The following KAT6A variants were observed in gnomAD, a reference collection of about 807,000 sequenced individuals.
KAT6A encodes the protein histone acetyltransferase KAT6A.
KAT6A carries 9 observed loss-of-function variants against 198.4 expected under a neutral mutation model. The ratio of observed to expected loss-of-function variants is 0.05; its 90% CI spans 0.03 to 0.08. KAT6A has a LOEUF of 0.08. KAT6A is among the 10% of genes least tolerant of loss of function. KAT6A has a pLI of 1.00. For synonymous variants in KAT6A, 890 were observed against 883.0 expected (o/e 1.01, Z -0.14); for missense variants, 2,077 against 2,509.9 (o/e 0.83, Z 3.69).
intron 6 of KAT6A, among the ~76,000 whole-genome samples, chr8:41,978,286 T>C (rs1824166189): frequency 6.6e-6 from 1 of 152,228 alleles, no homozygotes; most frequent in Non-Finnish European, 1.5e-5. Flanking sequence ...CCTGTTTTTA[T>C]ATAAGAGAAG....
chr8:42,010,880 G>A (rs886479372), intron 2 of KAT6A, among the ~76,000 whole-genome samples: 2 of 152,108 alleles, frequency 1.3e-5, no homozygotes, highest in African/African-American at 4.8e-5. Flanking sequence ...TTCCTCTGGG[G>A]TCACTAAAAT....
At chr8:41,975,943 A>G (rs1272411479) in intron 7 of KAT6A, among the ~76,000 whole-genome samples, 7 of 152,226 alleles carry the variant, frequency 4.6e-5, no homozygotes, top group Non-Finnish European at 8.8e-5. Flanking sequence ...AACGGATTGC[A>G]TATTTTCTTA....
chr8:42,019,707 G>A (rs980160041), intron 2 of KAT6A, among the ~76,000 whole-genome samples: 2 of 152,066 alleles, frequency 1.3e-5, no homozygotes, highest in African/African-American at 4.8e-5. Flanking sequence ...TTCTGGTCTG[G>A]GGATTACACA....
chr8:42,016,799 C>G (rs1318994981), intron 2 of KAT6A, among the ~76,000 whole-genome samples: 1 of 151,952 alleles, frequency 6.6e-6, no homozygotes, highest in Non-Finnish European at 1.5e-5. Flanking sequence ...ATTTTATCAG[C>G]CTTCACATTT....
At position 41,933,263 on chromosome 8, in the gene KAT6A, G is replaced by C; in HGVS notation, c.4957C>G (p.Pro1653Ala). 1 of 1,557,022 alleles carries C rather than the reference G, an allele frequency of 6.4e-7. No individual in the cohort carries two copies. The highest frequency in any genetic ancestry group is 2.3e-5 in the East Asian group (1 of 43,084). The change falls in exon 17 of 17, where the codon CCA (proline) becomes GCA (alanine). Residue 1653 changes from proline to alanine, a missense_variant. Transcript: ENST00000265713. This position sits in a 1 kb window ranked among gnomAD's most constrained non-coding sequence, Gnocchi z 6.2. ...GGCTGTGGCTGCTGTGGAGGCGGTG[G>C]TGGCGGCTGCTGCTGCTGGTTACTG... ...PPSNQQQQPP[P>A]PPPQQPQPPP... is the part of the protein sequence containing the mutation.
intron 10 of KAT6A, 25 bp downstream of exon 10, chr8:41,949,197 G>A: frequency 6.9e-7 from 1 of 1,451,510 alleles, no homozygotes; most frequent in Non-Finnish European, 9.1e-7. Flanking sequence ...TGGATGAGAG[G>A]ACAATTACTA....
chr8:41,930,710 GTATATATA>G lies in KAT6A; in HGVS notation c.*1487_*1494del, dbSNP rs1554678657. On this transcript the variant is annotated 3_prime_UTR_variant, in exon 17 of 17. Coordinates refer to ENST00000265713, the MANE Select transcript of KAT6A (RefSeq NM_006766.5). ...TGTGTGTGTGTGTGTGTGTGTGTGT[GTATATATA>G]TATATATATATTTTTTTTTTTTTTT... 1 of 63,086 alleles carries G rather than the reference GTATATATA, an allele frequency of 1.6e-5. No homozygotes were observed. The highest frequency in any genetic ancestry group is 2.3e-4 in the Admixed American group (1 of 4,440). 3.9% of individuals were successfully genotyped at this position (63,086 alleles called of 1,614,324 possible). A position where few individuals can be genotyped will look rare whatever the true frequency, so the allele number is the denominator to read the frequency against.
intron 8 of KAT6A, among the ~76,000 whole-genome samples, chr8:41,965,051 A>C (rs1384511871): frequency 6.6e-6 from 1 of 152,178 alleles, no homozygotes; most frequent in Non-Finnish European, 1.5e-5. Context: ...GACCTACTAC[A>C]TGCAAGTCAC....
chr8:42,048,019 G>T (rs1052272852), intron 2 of KAT6A, among the ~76,000 whole-genome samples: 1 of 151,608 alleles, frequency 6.6e-6, no homozygotes, highest in East Asian at 1.9e-4. Flanking sequence ...GTAGTAAGGT[G>T]TTCTAAGAAC....
chr8:41,933,873 A>C lies in KAT6A; in HGVS notation c.4347T>G (p.Thr1449=). The C allele has an allele frequency of 3.7e-6, 6 of 1,614,124 alleles. No homozygotes were observed. Among genetic ancestry groups the C allele is most frequent in the Non-Finnish European group, 5.1e-6 (6 of 1,180,018 alleles). Residue 1449 remains threonine, a synonymous_variant, in exon 17 of 17, where the codon ACT becomes ACG. Transcript: ENST00000265713. The surrounding 1 kb of genome is among the most constrained non-coding windows in gnomAD (Gnocchi z 6.2). The part of the protein sequence containing the change: ...HEGAYQDCEE[T]LAACQTLQSY... ...TCTGCAGGGTCTGACACGCCGCAAG[A>C]GTTTCCTCACAGTCCTGGTAGGCGC... is the stretch of plus-strand genomic sequence containing the variant.
chr8:41,935,209 A>T (rs910670316), intron 16 of KAT6A, among the ~76,000 whole-genome samples: 1 of 152,246 alleles, frequency 6.6e-6, no homozygotes, highest in East Asian at 1.9e-4. Flanking sequence ...GATGAACTTT[A>T]TAAAGAGGCA....
chr8:41,943,823 T>G lies in KAT6A; in HGVS notation c.2153A>C (p.Lys718Thr), dbSNP rs2150863478. 6.2e-7 allele frequency: 1 copy of G among 1,614,012 alleles called. No homozygotes were observed. The highest frequency in any genetic ancestry group is 8.5e-7 in the Non-Finnish European group (1 of 1,180,004). The change falls in exon 13 of 17, where the codon AAG becomes ACG. Residue 718 changes from lysine to threonine, a missense_variant. Transcript: ENST00000265713. ...DKQISIKKLS[K>T]LTGICPQDIT... is the part of the protein sequence containing the mutation. ...GTCTTGAGGGCAGATTCCAGTCAAC[T>G]TGCTTAACTTCTTAATGCTGATCTG...
At chr8:41,942,516 C>G in intron 14 of KAT6A, 1 of 420,706 alleles carries the variant, frequency 2.4e-6, no homozygotes, top group Non-Finnish European at 4.3e-6. Context: ...CAGCTTAAAA[C>G]TGAGCTGCTT....
chr8:42,026,356 T>G (rs560946348), intron 2 of KAT6A, among the ~76,000 whole-genome samples: 3 of 152,214 alleles, frequency 2.0e-5, no homozygotes, highest in African/African-American at 7.2e-5. Flanking sequence ...GTAGATTGCT[T>G]TGGGTAATAT....
intron 2 of KAT6A, among the ~76,000 whole-genome samples, chr8:42,009,894 C>CAAAAAA (rs538642816): frequency 6.1e-4 from 30 of 49,028 alleles, no homozygotes; most frequent in Middle Eastern, 0.013. Flanking sequence ...AGCCCTGTCT[C>CAAAAAA]AAAAAAAAAA....
At chr8:41,997,041 T>C (rs1364260992) in intron 2 of KAT6A, among the ~76,000 whole-genome samples, 1 of 152,162 alleles carries the variant, frequency 6.6e-6, no homozygotes, top group African/African-American at 2.4e-5. Context: ...AATGGGAAGT[T>C]ATTGTTTAAT....
chr8:41,939,721 C>G (rs1052139043), intron 15 of KAT6A, among the ~76,000 whole-genome samples: 34 of 152,180 alleles, frequency 2.2e-4, no homozygotes, highest in African/African-American at 8.0e-4. Flanking sequence ...TAAGGAAATT[C>G]TGAGAAACTA....
intron 8 of KAT6A, among the ~76,000 whole-genome samples, chr8:41,962,338 C>T (rs1337784929): frequency 6.6e-6 from 1 of 152,098 alleles, no homozygotes; most frequent in Non-Finnish European, 1.5e-5. Flanking sequence ...AGGTTTAACA[C>T]ATCCAAAATC....
intron 3 of KAT6A, among the ~76,000 whole-genome samples, chr8:41,985,629 C>G (rs559509828): frequency 6.6e-6 from 1 of 152,266 alleles, no homozygotes; most frequent in Middle Eastern, 3.4e-3. Flanking sequence ...GCAGTGGACT[C>G]CCCCCTGCTT....
Sources: allele counts gnomAD v4.1 joint callset (sites outside exome capture counted in the v4.1 genomes callset), GRCh38; gene constraint gnomAD v4.1.1; non-coding constraint Gnocchi (gnomAD v3.1); transcripts MANE v1.5; gene names NCBI Gene and HGNC (gene_info 2026-07-23, HGNC 2026-07-21).